Variants in CRACD observed in about 807,000 individuals in gnomAD.
CRACD encodes the protein capping protein-inhibiting regulator of actin dynamics.
CRACD carries 56 observed loss-of-function variants against 106.8 expected under a neutral mutation model. The ratio of observed to expected loss-of-function variants is 0.52; its 90% confidence interval spans 0.42 to 0.66. The LOEUF (loss-of-function observed/expected upper bound fraction) is 0.66, where lower values mean the gene tolerates loss of function less well. Among genes scored for constraint, CRACD ranks in the 30% least tolerant of loss-of-function variants. The pLI, the probability that CRACD is intolerant of heterozygous loss-of-function variation, is 0.00. For synonymous variants in CRACD, 754 were observed against 670.8 expected, an observed-to-expected ratio of 1.12 and a Z score of -1.92; for missense variants, 1,730 against 1,623.2, an observed-to-expected ratio of 1.07 and a Z score of -1.13.
intron 9 of CRACD, 130 bp downstream of exon 9, chr4:56,323,697 A>G (rs1005011406): frequency 3.5e-6 from 3 of 862,560 alleles, no homozygotes; most frequent in African/African-American, 3.4e-5. Flanking sequence ...CAGTAAATAA[A>G]CTGACCACCA....
chr4:56,277,743 A>G (rs1199115205), intron 3 of CRACD, among the ~76,000 whole-genome samples: 1 of 152,204 alleles, frequency 6.6e-6, no homozygotes, highest in Non-Finnish European at 1.5e-5. Context: ...ATGATTGTAT[A>G]TATAGAAAGT....
At chr4:56,207,005 A>G (rs1217219042) in intron 2 of CRACD, among the ~76,000 whole-genome samples, 1 of 152,210 alleles carries the variant, frequency 6.6e-6, no homozygotes, top group Non-Finnish European at 1.5e-5. Flanking sequence ...GACTGTCTGG[A>G]GGATAATACC....
intron 1 of CRACD, among the ~76,000 whole-genome samples, chr4:56,098,980 G>A (rs984201610): frequency 8.5e-5 from 13 of 152,074 alleles, no homozygotes; most frequent in African/African-American, 2.4e-4. Context: ...TGCCCAGCCC[G>A]GGATCTATTC....
At chr4:56,170,750 G>T (rs1240853109) in intron 1 of CRACD, among the ~76,000 whole-genome samples, 3 of 152,136 alleles carry the variant, frequency 2.0e-5, no homozygotes, top group Admixed American at 2.0e-4. Flanking sequence ...GAGGCGGGAG[G>T]ATCGCTTGAG....
At chr4:56,139,487 C>T (rs562509997) in intron 1 of CRACD, among the ~76,000 whole-genome samples, 1 of 152,296 alleles carries the variant, frequency 6.6e-6, no homozygotes. Context: ...AACCTTGCAA[C>T]TGGCAAGCTT....
At chr4:56,194,995 T>C (rs1368732997) in intron 2 of CRACD, among the ~76,000 whole-genome samples, 2 of 152,194 alleles carry the variant, frequency 1.3e-5, no homozygotes, top group African/African-American at 4.8e-5. Flanking sequence ...ATGGAAGTAA[T>C]ACATTTAGGA....
intron 2 of CRACD, among the ~76,000 whole-genome samples, chr4:56,207,197 A>G (rs953081811): frequency 3.5e-4 from 54 of 152,366 alleles, no homozygotes; most frequent in Middle Eastern, 6.8e-3. Context: ...ATGTGCAACT[A>G]TAAGTATCAG....
intron 1 of CRACD, among the ~76,000 whole-genome samples, chr4:56,130,924 A>G (rs909178513): frequency 6.6e-5 from 10 of 152,024 alleles, no homozygotes; most frequent in South Asian, 4.2e-4. Flanking sequence ...AGGGTTAGAG[A>G]TTAGTCATTT....
chr4:56,071,670 C>T (rs910853086), intron 1 of CRACD, among the ~76,000 whole-genome samples: 63 of 152,018 alleles, frequency 4.1e-4, no homozygotes, highest in African/African-American at 1.4e-3. Flanking sequence ...CCACCACGTC[C>T]GGCTAATTTT....
At chr4:56,099,987 A>T (rs1017598930) in intron 1 of CRACD, among the ~76,000 whole-genome samples, 1 of 152,220 alleles carries the variant, frequency 6.6e-6, no homozygotes, top group Non-Finnish European at 1.5e-5. Flanking sequence ...TCATGCCTGT[A>T]ATCCCAGCAC....
At chr4:56,167,524 C>T (rs1007064934) in intron 1 of CRACD, among the ~76,000 whole-genome samples, 6 of 152,156 alleles carry the variant, frequency 3.9e-5, no homozygotes, top group African/African-American at 1.4e-4. Flanking sequence ...CCTGTTAGCT[C>T]CCCTCCCCAG....
chr4:56,205,819 G>T (rs1397547809), intron 2 of CRACD, among the ~76,000 whole-genome samples: 1 of 152,024 alleles, frequency 6.6e-6, no homozygotes, highest in Non-Finnish European at 1.5e-5. Flanking sequence ...CCTCAGATTT[G>T]TTTGTCATTT....
chr4:56,170,630 C>G (rs1736325024), intron 1 of CRACD, among the ~76,000 whole-genome samples: 1 of 151,936 alleles, frequency 6.6e-6, no homozygotes, highest in Non-Finnish European at 1.5e-5. Context: ...TTGCTTGAGG[C>G]CAGGAGTTTG....
chr4:56,297,106 G>A (rs1744099379), intron 3 of CRACD, among the ~76,000 whole-genome samples: 1 of 151,748 alleles, frequency 6.6e-6, no homozygotes, highest in South Asian at 2.1e-4. Flanking sequence ...TTTTGTTTTT[G>A]TTTTTTTGGT....
chr4:56,081,707 G>T (rs547937178), intron 1 of CRACD, among the ~76,000 whole-genome samples: 1 of 152,312 alleles, frequency 6.6e-6, no homozygotes, highest in African/African-American at 2.4e-5. Context: ...TGGGCATGGT[G>T]GTTCATGCCT....
Position 56,240,771 on chromosome 4 carries a change from G to T in CRACD, c.-188-31550G>T, listed in dbSNP as rs182239833. Among the ~76,000 whole-genome samples, 4 of 152,170 alleles carry T rather than the reference G, an allele frequency of 2.6e-5. No homozygotes were observed. The South Asian group carries it at 8.3e-4, about 31-fold the overall frequency. ...AGCACTAGGATTACAGGCATAAGCCGCCACACCTACTTGATCTTCAAAAAG... is the reference window on the plus strand; with the variant it reads ...AGCACTAGGATTACAGGCATAAGCCTCCACACCTACTTGATCTTCAAAAAG... On this transcript the variant is annotated intron_variant, in intron 2 of 10. Transcript: ENST00000682029.
chr4:56,307,770 G>A, intron 5 of CRACD, 71 bp downstream of exon 5: 1 of 1,500,804 alleles, frequency 6.7e-7, no homozygotes, highest in Middle Eastern at 2.0e-4. Flanking sequence ...CAGTAACCCT[G>A]GGGTCTGCAG....
chr4:56,237,389 A>G lies in CRACD; in HGVS notation c.-188-34932A>G, dbSNP rs562719538. Among the ~76,000 whole-genome samples the G allele has an allele frequency of 2.2e-4, 34 of 152,292 alleles. No homozygotes were observed. The South Asian group carries it at 5.2e-3, about 23-fold the overall frequency. On this transcript the variant is annotated intron_variant, in intron 2 of 10. Coordinates refer to ENST00000682029, the MANE Select transcript of CRACD (RefSeq NM_001393381.1). The stretch of plus-strand genomic sequence containing the variant: ...GTATGATTAATCTAGCTTTTTATAG[A>G]TTAAATCCACTTGTATGCATTTAAG...
At chr4:56,205,972 C>G (rs2109482374) in intron 2 of CRACD, among the ~76,000 whole-genome samples, 1 of 152,296 alleles carries the variant, frequency 6.6e-6, no homozygotes, top group East Asian at 1.9e-4. Flanking sequence ...GCTTGCTTCC[C>G]TTTTCTCTAG....
Sources: gnomAD v4.1 joint callset for allele counts (sites outside exome capture counted in the v4.1 genomes callset) on GRCh38, gnomAD v4.1.1 for gene constraint, MANE v1.5 for transcripts, NCBI Gene and HGNC (gene_info 2026-07-23, HGNC 2026-07-21) for gene names.